NAALADL2: variants seen among roughly 807,000 people sequenced by gnomAD.
NAALADL2 encodes the protein N-acetylated alpha-linked acidic dipeptidase like 2.
NAALADL2 carries 76 observed loss-of-function variants against 87.2 expected under a neutral mutation model. That is an observed-to-expected ratio of 0.87 (90% confidence interval 0.72 to 1.05). NAALADL2 has a LOEUF of 1.05. Ranked by LOEUF, NAALADL2 falls within the 50% of genes least tolerant of loss-of-function variation. The pLI, the probability that NAALADL2 is intolerant of heterozygous loss-of-function variation, is 0.00. For missense variants in NAALADL2, 1,089 were observed against 945.8 expected, an observed-to-expected ratio of 1.15 and a Z score of -1.99; for synonymous variants, 354 against 331.0, an observed-to-expected ratio of 1.07 and a Z score of -0.75.
chr3:174,974,220 G>T (rs561066631), intron 1 of NAALADL2, among the ~76,000 whole-genome samples: 59 of 152,300 alleles, frequency 3.9e-4, no homozygotes, highest in African/African-American at 1.2e-3. Context: ...GAAGGTGTCA[G>T]TGTTTTAAAA....
chr3:175,576,054 A>G lies in NAALADL2; in HGVS notation c.1667A>G (p.Asn556Ser). Residue 556 changes from asparagine (N) to serine (S), a missense_variant, in exon 10 of 14, where the codon AAC (asparagine) becomes AGC (serine). By Grantham distance (46) the Asn-to-Ser change is conservative. Coordinates refer to ENST00000454872, the MANE Select transcript of NAALADL2 (RefSeq NM_207015.3). ...QQLVVEKNNFNCTRRAQCPET... is the reference protein window; with the variant it reads ...QQLVVEKNNFSCTRRAQCPET... ...TATGTTTTTCAGAAAAATAATTTCA[A>G]CTGTACCAGAAGAGCCCAGTGCCCA... The G allele has an allele frequency of 6.2e-7, 1 of 1,609,094 alleles. No homozygotes were observed. Among genetic ancestry groups the G allele is most frequent in the Non-Finnish European group, 8.5e-7 (1 of 1,178,390 alleles).
In NAALADL2 at chr3:174,558,462, C is replaced by T. The variant is rs140700565; in HGVS notation, c.-115+7825C>T. On this transcript the variant is annotated intron_variant, in intron 2 of 3. Transcript: ENST00000434257. ...ATGTACAATCAGTGGGAGCCCTGAGCTTGTTTTCCTGCAACTAGACGGTCC... is the reference window on the plus strand; with the variant it reads ...ATGTACAATCAGTGGGAGCCCTGAGTTTGTTTTCCTGCAACTAGACGGTCC... 2.0e-3 allele frequency among the ~76,000 whole-genome samples: 311 copies of T among 152,148 alleles called. 1 individual carries two copies. The highest frequency in any genetic ancestry group is 7.1e-3 in the African/African-American group (296 of 41,522).
intron 1 of NAALADL2, among the ~76,000 whole-genome samples, chr3:174,864,841 T>A (rs1049348130): frequency 6.6e-6 from 1 of 152,022 alleles, no homozygotes; most frequent in African/African-American, 2.4e-5. Flanking sequence ...TAACCAAACA[T>A]GTATTTGATT....
chr3:175,523,419 A>G (rs971534948), intron 9 of NAALADL2, among the ~76,000 whole-genome samples: 1 of 152,192 alleles, frequency 6.6e-6, no homozygotes, highest in African/African-American at 2.4e-5. Context: ...TTTCTACCCA[A>G]AATTAATACA....
intron 3 of NAALADL2, among the ~76,000 whole-genome samples, chr3:174,778,516 A>T (rs1278581289): frequency 6.6e-6 from 1 of 151,782 alleles, no homozygotes; most frequent in African/African-American, 2.4e-5. Context: ...AAGTTCTGGG[A>T]TACATGTGCA....
intron 9 of NAALADL2, among the ~76,000 whole-genome samples, chr3:175,510,160 T>A (rs906321582): frequency 1.3e-5 from 2 of 152,042 alleles, no homozygotes; most frequent in African/African-American, 2.4e-5. Flanking sequence ...CAAGGAGAAG[T>A]GTGCGAGCCG....
At chr3:175,418,186 T>C (rs1341151896) in intron 5 of NAALADL2, among the ~76,000 whole-genome samples, 1 of 152,156 alleles carries the variant, frequency 6.6e-6, no homozygotes, top group Non-Finnish European at 1.5e-5. Context: ...ACTTTTTGTA[T>C]TTTGGAAAGG....
intron 9 of NAALADL2, among the ~76,000 whole-genome samples, chr3:175,575,811 G>A (rs1430717761): frequency 6.6e-6 from 1 of 152,164 alleles, no homozygotes; most frequent in Non-Finnish European, 1.5e-5. Context: ...TCTGGCCAAT[G>A]CTAGTTATGC....
At chr3:175,772,655 G>A (rs575067163) in intron 13 of NAALADL2, among the ~76,000 whole-genome samples, 21 of 152,276 alleles carry the variant, frequency 1.4e-4, no homozygotes, top group African/African-American at 2.9e-4. Context: ...ACAGGGTTCC[G>A]TCTTTGATCT....
intron 3 of NAALADL2, among the ~76,000 whole-genome samples, chr3:174,778,020 G>C (rs1715432454): frequency 6.6e-6 from 1 of 152,018 alleles, no homozygotes; most frequent in Non-Finnish European, 1.5e-5. Context: ...CCAATGCTAT[G>C]ACAATTACAC....
At chr3:174,735,316 T>C (rs1375347461) in intron 2 of NAALADL2, among the ~76,000 whole-genome samples, 1 of 152,210 alleles carries the variant, frequency 6.6e-6, no homozygotes. Context: ...TGGGGCACAT[T>C]ACATACCATG....
At chr3:175,412,552 G>A (rs778715081) in intron 5 of NAALADL2, among the ~76,000 whole-genome samples, 26 of 152,182 alleles carry the variant, frequency 1.7e-4, no homozygotes, top group South Asian at 1.0e-3. Context: ...TCCAAGAAAT[G>A]AGCAGATTTA....
chr3:175,165,564 G>C (rs886178439), intron 2 of NAALADL2, among the ~76,000 whole-genome samples: 6 of 152,126 alleles, frequency 3.9e-5, no homozygotes, highest in Non-Finnish European at 8.8e-5. Context: ...TATAATGGTG[G>C]TAAGACCATA....
chr3:175,171,503 C>A (rs1056118916), intron 2 of NAALADL2, among the ~76,000 whole-genome samples: 6 of 152,086 alleles, frequency 3.9e-5, no homozygotes, highest in African/African-American at 1.2e-4. Context: ...AAACATAATA[C>A]CAATGGGTAT....
chr3:174,651,027 C>A (rs1011358465), intron 2 of NAALADL2, among the ~76,000 whole-genome samples: 4 of 152,002 alleles, frequency 2.6e-5, no homozygotes, highest in African/African-American at 9.6e-5. Flanking sequence ...CCTTTATCTC[C>A]TTCAGGAAAA....
At chr3:175,167,826 T>C (rs1295130716) in intron 2 of NAALADL2, among the ~76,000 whole-genome samples, 1 of 152,054 alleles carries the variant, frequency 6.6e-6, no homozygotes, top group East Asian at 1.9e-4. Context: ...GGAGCCTCCT[T>C]CTATACCCAT....
At chr3:175,705,554 GA>G (rs10717263) in intron 11 of NAALADL2, among the ~76,000 whole-genome samples, 35,861 of 142,650 alleles carry the variant, frequency 0.25, 5,185 homozygotes, top group African/African-American at 0.43. Context: ...GAAAGAAGAA[GA>G]AAAAAAAAAA....
chr3:175,744,514 G>A (rs1419094947), intron 12 of NAALADL2, among the ~76,000 whole-genome samples: 1 of 152,176 alleles, frequency 6.6e-6, no homozygotes, highest in East Asian at 1.9e-4. Context: ...AAAACAAAGT[G>A]TAACCAAACA....
chr3:174,747,138 A>G (rs1445127505), intron 3 of NAALADL2, among the ~76,000 whole-genome samples: 1 of 152,066 alleles, frequency 6.6e-6, no homozygotes, highest in African/African-American at 2.4e-5. Context: ...AGAGTGAAGA[A>G]AAAACCTACA....
Sources: gnomAD v4.1 joint callset for allele counts (sites outside exome capture counted in the v4.1 genomes callset) on GRCh38, gnomAD v4.1.1 for gene constraint, MANE v1.5 for transcripts, NCBI Gene and HGNC (gene_info 2026-07-23, HGNC 2026-07-21) for gene names.